Variants in ANO1 observed in about 807,000 individuals in gnomAD.
The protein encoded by ANO1 is anoctamin-1.
Under a neutral mutation model 124.0 loss-of-function variants are expected in ANO1, and 59 were observed. That is an observed-to-expected ratio of 0.48 (90% CI 0.39 to 0.59). The LOEUF (loss-of-function observed/expected upper bound fraction) is 0.59, where lower values mean the gene tolerates loss of function less well. ANO1 is among the 20% of genes least tolerant of loss of function. The pLI, the probability that ANO1 is intolerant of heterozygous loss-of-function variation, is 0.00. For missense variants in ANO1, 1,059 were observed against 1,328.0 expected, an observed-to-expected ratio of 0.80 and a Z score of 3.15; for synonymous variants, 529 against 532.0, an observed-to-expected ratio of 0.99 and a Z score of 0.08.
At chr11:70,116,602 G>T in intron 8 of ANO1, 103 bp downstream of exon 8, 1 of 1,199,974 alleles carries the variant, frequency 8.3e-7, no homozygotes, top group Admixed American at 2.0e-5. Flanking sequence ...GGCCTCCAGG[G>T]CCTCCCCAGG....
chr11:70,151,687 C>T (rs1037624918), intron 12 of ANO1, among the ~76,000 whole-genome samples: 2 of 152,158 alleles, frequency 1.3e-5, no homozygotes, highest in African/African-American at 4.8e-5. Context: ...ATGAATTTCC[C>T]AAAGTGAGCC....
At chr11:70,040,090 T>G (rs1591051361) in intron 1 of ANO1, among the ~76,000 whole-genome samples, 1 of 152,156 alleles carries the variant, frequency 6.6e-6, no homozygotes, top group African/African-American at 2.4e-5. Flanking sequence ...AGAGCTGCTA[T>G]GGCAGCCTAA....
At chr11:70,020,683 G>A (rs551364708) in intron 1 of ANO1, among the ~76,000 whole-genome samples, 21 of 152,280 alleles carry the variant, frequency 1.4e-4, no homozygotes, top group Non-Finnish European at 2.2e-4. Flanking sequence ...AGTCCATCTC[G>A]ACAGCCTGGG....
chr11:70,100,937 C>T (rs540166919), intron 2 of ANO1, among the ~76,000 whole-genome samples: 3 of 152,330 alleles, frequency 2.0e-5, no homozygotes, highest in Non-Finnish European at 2.9e-5. Flanking sequence ...CAGAGGAGGC[C>T]TGAGCGGTGG....
intron 7 of ANO1, among the ~76,000 whole-genome samples, chr11:70,114,228 G>A (rs1044092628): frequency 3.9e-5 from 6 of 152,230 alleles, no homozygotes; most frequent in African/African-American, 7.2e-5. Flanking sequence ...GCCCAGGGGC[G>A]CACAGCCCAG....
intron 1 of ANO1, chr11:70,085,304 C>A: frequency 7.5e-7 from 1 of 1,330,814 alleles, no homozygotes; most frequent in South Asian, 1.6e-5. Flanking sequence ...CAAAAGCCAG[C>A]CCTCCCCCAC....
intron 6 of ANO1, among the ~76,000 whole-genome samples, chr11:70,109,963 A>C (rs564582825): frequency 5.9e-5 from 9 of 152,056 alleles, no homozygotes; most frequent in African/African-American, 1.9e-4. Context: ...ATTCATCCGC[A>C]AGTGCTGAGG....
intron 1 of ANO1, among the ~76,000 whole-genome samples, chr11:70,009,525 G>A (rs1048333265): frequency 6.6e-6 from 1 of 152,204 alleles, no homozygotes; most frequent in East Asian, 1.9e-4. Context: ...GGAGGAAAGA[G>A]GATTTTGAGA....
At chr11:70,145,943 C>CAAAAAAAAAAAAAAA (rs10589426) in intron 11 of ANO1, among the ~76,000 whole-genome samples, 1 of 108,702 alleles carries the variant, frequency 9.2e-6, no homozygotes, top group African/African-American at 3.5e-5. Flanking sequence ...TCTCAAAAAA[C>CAAAAAAAAAAAAAAA]AAAAAAAAAA....
intron 1 of ANO1, among the ~76,000 whole-genome samples, chr11:70,044,266 C>T (rs1040341960): frequency 1.1e-4 from 16 of 152,112 alleles, no homozygotes; most frequent in African/African-American, 3.4e-4. Context: ...AAAAAGCACA[C>T]ATGTGCTGTA....
chr11:70,058,925 T>C (rs1427820944), intron 1 of ANO1, among the ~76,000 whole-genome samples: 9 of 151,848 alleles, frequency 5.9e-5, no homozygotes, highest in Non-Finnish European at 1.2e-4. Context: ...GGCTCACGCC[T>C]GTAATCCCAG....
chr11:70,182,709 T>G (rs751515416), intron 24 of ANO1, 23 bp downstream of exon 24: 3 of 1,473,684 alleles, frequency 2.0e-6, no homozygotes, highest in South Asian at 2.9e-5. Flanking sequence ...GCTCCCCTCT[T>G]TGAAAAGCCA....
chr11:70,019,246 CA>C lies in ANO1; in HGVS notation c.58+33081del, dbSNP rs782414123. Among the ~76,000 whole-genome samples the C allele has an allele frequency of 8.3e-4, 64 of 76,680 alleles. 4 individuals are homozygous for C. The highest frequency in any genetic ancestry group is 1.7e-3 in the African/African-American group (31 of 17,734). The allele number at this position is 76,680 out of a possible 152,430, so 50.3% of individuals were successfully genotyped here. On this transcript the variant is annotated intron_variant, in intron 1 of 27. Coordinates refer to the ANO1 transcript ENST00000531349. The stretch of plus-strand genomic sequence containing the variant: ...GGGGAGGGAAAGAAGAACCCCCCCA[CA>C]CACACACACACACACATTCACTCCC...
intron 11 of ANO1, among the ~76,000 whole-genome samples, chr11:70,141,100 C>T (rs12792811): frequency 0.1 from 15,636 of 152,270 alleles, 1,029 homozygotes; most frequent in Middle Eastern, 0.18. Flanking sequence ...AGCACGTGCC[C>T]TGGTCCCACC....
At chr11:70,070,009 G>T (rs1488580649) in intron 1 of ANO1, among the ~76,000 whole-genome samples, 1 of 152,204 alleles carries the variant, frequency 6.6e-6, no homozygotes, top group Non-Finnish European at 1.5e-5. Context: ...CGAAGGGATT[G>T]AAATGACTTA....
chr11:70,118,893 G>T (rs558615047), intron 8 of ANO1, among the ~76,000 whole-genome samples: 1 of 148,666 alleles, frequency 6.7e-6, no homozygotes, highest in South Asian at 2.2e-4. Flanking sequence ...TGAGCAGGTA[G>T]GTGGATGGAT....
At chr11:70,081,600 A>G (rs1192930800) in intron 1 of ANO1, among the ~76,000 whole-genome samples, 1 of 152,208 alleles carries the variant, frequency 6.6e-6, no homozygotes, top group East Asian at 1.9e-4. Context: ...AACATTGTAG[A>G]TTCCCTTGAG....
chr11:70,083,690 A>G (rs2044269341), intron 1 of ANO1, among the ~76,000 whole-genome samples: 1 of 152,032 alleles, frequency 6.6e-6, no homozygotes, highest in South Asian at 2.1e-4. Context: ...TTTGTTTGCT[A>G]TTATCATTAT....
At chr11:69,968,357 T>C in the ANO1 span, among the ~76,000 whole-genome samples, 12 of 152,150 alleles carry the variant, frequency 7.9e-5, no homozygotes, top group Admixed American at 7.9e-4. Flanking sequence ...TCTGGGGCCC[T>C]CTGGCCTCCT....
Sources: gnomAD v4.1 joint callset for allele counts (sites outside exome capture counted in the v4.1 genomes callset) on GRCh38, gnomAD v4.1.1 for gene constraint, MANE v1.5 for transcripts, NCBI Gene and HGNC (gene_info 2026-07-23, HGNC 2026-07-21) for gene names.